IGF1R: variants seen among roughly 807,000 people sequenced by gnomAD.
The protein encoded by IGF1R is insulin-like growth factor 1 receptor.
Under a neutral mutation model 144.6 loss-of-function variants are expected in IGF1R, and 44 were observed. That is an observed-to-expected ratio of 0.30 (90% confidence interval 0.24 to 0.39). The LOEUF is 0.39. IGF1R is among the 10% of genes least tolerant of loss of function. The probability of loss-of-function intolerance (pLI) is 1.00; values close to 1 mark genes in which losing one functional copy is unlikely to be tolerated. For missense variants in IGF1R, 1,355 were observed against 1,833.7 expected (o/e 0.74, Z 4.77); for synonymous variants, 795 against 722.8 (o/e 1.10, Z -1.60).
At chr15:98,942,288 A>G (rs750435407) in intron 18 of IGF1R, among the ~76,000 whole-genome samples, 141 of 152,226 alleles carry the variant, frequency 9.3e-4, no homozygotes, top group Admixed American at 2.7e-3. Context: ...GCAGTACTAT[A>G]TATTTTCTTA....
rs965597414 is a variant in IGF1R, at chr15:98,788,164, A to G, written c.640+80057A>G. 5.9e-5 allele frequency among the ~76,000 whole-genome samples: 9 copies of G among 151,850 alleles called. No homozygotes were observed. The East Asian group carries it at 1.5e-3, about 26-fold the overall frequency. On this transcript the variant is annotated intron_variant, in intron 2 of 20. Coordinates refer to ENST00000650285, the MANE Select transcript of IGF1R (RefSeq NM_000875.5). ...TACACATGCCCGTATGCTATTGTGT[A>G]GGAACAAATGCATGGTAGGAATGGG...
intron 1 of IGF1R, among the ~76,000 whole-genome samples, chr15:98,650,562 G>A (rs2052335124): frequency 6.6e-6 from 1 of 152,226 alleles, no homozygotes; most frequent in Non-Finnish European, 1.5e-5. Flanking sequence ...GCGTTGGTGG[G>A]TGTGTGGTCG....
At chr15:98,776,211 G>C (rs916055434) in intron 2 of IGF1R, among the ~76,000 whole-genome samples, 12 of 150,654 alleles carry the variant, frequency 8.0e-5, no homozygotes, top group Non-Finnish European at 1.6e-4. Context: ...TTGAGATGGA[G>C]TCTTACTCTG....
At chr15:98,688,882 G>A (rs189657056) in intron 1 of IGF1R, among the ~76,000 whole-genome samples, 22 of 152,218 alleles carry the variant, frequency 1.4e-4, no homozygotes, top group Middle Eastern at 3.4e-3. Flanking sequence ...AATCTTGGAA[G>A]CCTCTTTTTA....
chr15:98,758,863 A>G (rs189228852), intron 2 of IGF1R, among the ~76,000 whole-genome samples: 248 of 152,310 alleles, frequency 1.6e-3, no homozygotes, highest in Admixed American at 3.9e-3. Flanking sequence ...CATAAAGACT[A>G]TATTTGTGTA....
At chr15:98,733,991 T>C (rs2054555713) in intron 2 of IGF1R, among the ~76,000 whole-genome samples, 1 of 152,182 alleles carries the variant, frequency 6.6e-6, no homozygotes, top group African/African-American at 2.4e-5. Flanking sequence ...TGGCGATTGA[T>C]TAGTGTTCCG....
intron 2 of IGF1R, among the ~76,000 whole-genome samples, chr15:98,776,826 G>A (rs185177963): frequency 3.9e-5 from 6 of 152,262 alleles, no homozygotes; most frequent in Middle Eastern, 3.4e-3. Context: ...ATCTTAAAAC[G>A]CCCGTGACCT....
chr15:98,783,681 G>A lies in IGF1R; in HGVS notation c.640+75574G>A, dbSNP rs867692954. ...TCTTTGCTCATTGCCAGTATATAGA[G>A]ATACAACTTATTGAACTCACTTTTT... On this transcript the variant is annotated intron_variant, in intron 2 of 20. Transcript: ENST00000650285. Among the ~76,000 whole-genome samples the A allele has an allele frequency of 4.6e-5, 7 of 152,266 alleles. No homozygotes were observed. In the South Asian group the frequency reaches 1.0e-3, roughly 23 times the overall value.
chr15:98,691,200 A>T (rs1314915633), intron 1 of IGF1R, among the ~76,000 whole-genome samples: 1 of 152,082 alleles, frequency 6.6e-6, no homozygotes. Context: ...TCCTGTGCAG[A>T]ATAGCGCATC....
At chr15:98,856,206 C>A (rs1253130567) in intron 2 of IGF1R, among the ~76,000 whole-genome samples, 1 of 152,246 alleles carries the variant, frequency 6.6e-6, no homozygotes, top group Non-Finnish European at 1.5e-5. Flanking sequence ...CTGCAAAGAT[C>A]CAGAGCCATG....
chr15:98,902,939 G>GT (rs1047191296), intron 5 of IGF1R, among the ~76,000 whole-genome samples: 1 of 152,096 alleles, frequency 6.6e-6, no homozygotes, highest in African/African-American at 2.4e-5. Flanking sequence ...TTTACATAGA[G>GT]TAGAGCTCTT....
intron 2 of IGF1R, among the ~76,000 whole-genome samples, chr15:98,754,968 A>G (rs978480784): frequency 5.3e-5 from 8 of 152,182 alleles, no homozygotes; most frequent in African/African-American, 1.9e-4. Context: ...TGTGCCTAGA[A>G]GGTGCTTTGT....
At chr15:98,721,183 A>G (rs2054238996) in intron 2 of IGF1R, among the ~76,000 whole-genome samples, 1 of 152,056 alleles carries the variant, frequency 6.6e-6, no homozygotes, top group Non-Finnish European at 1.5e-5. Flanking sequence ...AGCCCCCCAA[A>G]TCTTCCTTAC....
At chr15:98,825,658 C>G (rs1234194178) in intron 2 of IGF1R, among the ~76,000 whole-genome samples, 2 of 152,198 alleles carry the variant, frequency 1.3e-5, no homozygotes, top group African/African-American at 2.4e-5. Flanking sequence ...GAAAAATTGT[C>G]TTCTACGGAA....
chr15:98,929,677 G>A lies in IGF1R; in HGVS notation c.2885+17G>A, dbSNP rs2151701766. On this transcript the variant is annotated intron_variant, in intron 14 of 20. Coordinates refer to ENST00000650285, the MANE Select transcript of IGF1R (RefSeq NM_000875.5). ...TAGAAAGAGGTCAGTGATGTGCAAA[G>A]TTATGACACTTTCTGTGGCTGAGTG... 1 of 1,514,740 alleles carries A rather than the reference G, an allele frequency of 6.6e-7. No homozygotes were observed. Among genetic ancestry groups the A allele is most frequent in the South Asian group, 1.1e-5 (1 of 89,160 alleles). 93.8% of individuals were successfully genotyped at this position (1,514,740 alleles called of 1,614,324 possible). A position where few individuals can be genotyped will look rare whatever the true frequency, so the allele number is the denominator to read the frequency against.
chr15:98,892,808 G>A (rs1029749310), intron 3 of IGF1R, among the ~76,000 whole-genome samples: 1 of 152,090 alleles, frequency 6.6e-6, no homozygotes, highest in Non-Finnish European at 1.5e-5. Context: ...TTGAGGCCAT[G>A]GGTTCAAGAC....
rs1555455926 is a variant in IGF1R at position 98,877,513 on chromosome 15, TC to T, written c.641-13808del. ...CCTTTTTTTTTTTTTTTTTTTTTTT[TC>T]CCCAAAAAATTTGCTACTCTTGAGG... On this transcript the variant is annotated intron_variant, in intron 2 of 20. Coordinates refer to ENST00000650285, the MANE Select transcript of IGF1R (RefSeq NM_000875.5). 3.9e-3 allele frequency among the ~76,000 whole-genome samples: 439 copies of T among 111,406 alleles called. 27 individuals carry two copies. The highest frequency in any genetic ancestry group is 5.3e-3 in the South Asian group (19 of 3,598). The allele number at this position is 111,406 out of a possible 152,430, so 73.1% of individuals were successfully genotyped here.
chr15:98,748,414 A>G (rs1013261642), intron 2 of IGF1R, among the ~76,000 whole-genome samples: 1 of 152,148 alleles, frequency 6.6e-6, no homozygotes, highest in East Asian at 1.9e-4. Context: ...GCCTCAAGTG[A>G]TCCTCCTTCC....
chr15:98,934,950 C>T lies in IGF1R; in HGVS notation c.3083C>T (p.Thr1028Ile). Residue 1028 changes from threonine to isoleucine, a missense_variant, in exon 16 of 21, where the codon ACC (threonine) becomes ATC (isoleucine). Around this residue, in one of 7 missense-constraint regions of IGF1R, gnomAD observed 880 missense variants for 1,202.7 expected, o/e 0.73. Transcript: ENST00000650285. ...GGTGTGGTGAAAGATGAACCTGAAACCAGAGTGGCCATTAAAACAGTGAAC... is the reference window on the plus strand; with the variant it reads ...GGTGTGGTGAAAGATGAACCTGAAATCAGAGTGGCCATTAAAACAGTGAAC... ...AKGVVKDEPE[T>I]RVAIKTVNEA... is the part of the protein sequence containing the mutation. 6.2e-7 allele frequency: 1 copy of T among 1,614,092 alleles called. No homozygotes were observed. The highest frequency in any genetic ancestry group is 8.5e-7 in the Non-Finnish European group (1 of 1,180,024).
Sources: allele counts gnomAD v4.1 joint callset (sites outside exome capture counted in the v4.1 genomes callset), GRCh38; gene constraint gnomAD v4.1.1; regional missense constraint gnomAD v4.1.1; transcripts MANE v1.5; gene names NCBI Gene and HGNC (gene_info 2026-07-23, HGNC 2026-07-21).